The following CYP2R1 variants were observed in gnomAD, a reference collection of about 807,000 sequenced individuals.
CYP2R1 encodes the protein vitamin D 25-hydroxylase.
CYP2R1 carries 40 observed loss-of-function variants against 45.7 expected under a neutral mutation model. The ratio of observed to expected loss-of-function variants is 0.87; its 90% CI spans 0.68 to 1.14. The LOEUF (loss-of-function observed/expected upper bound fraction) is 1.14, where lower values mean the gene tolerates loss of function less well. Ranked by LOEUF, CYP2R1 falls within the 50% of genes most tolerant of loss-of-function variation. The pLI is 0.00. For synonymous variants in CYP2R1, 234 were observed against 219.3 expected, an observed-to-expected ratio of 1.07 and a Z score of -0.59; for missense variants, 605 against 602.6, an observed-to-expected ratio of 1.00 and a Z score of -0.04.
rs555414044 is a variant in CYP2R1, at chr11:14,891,472, T to C, written c.225+509A>G. The C allele has an allele frequency of 2.9e-5, 29 of 986,646 alleles. No individual in the cohort carries two copies. The African/African-American group carries it at 4.7e-4, about 16-fold the overall frequency. The allele number at this position is 986,646 out of a possible 1,614,324, so 61.1% of individuals were successfully genotyped here. A position where few individuals can be genotyped will look rare whatever the true frequency, so the allele number is the denominator to read the frequency against. On this transcript the variant is annotated intron_variant, in intron 1 of 4. Coordinates refer to ENST00000334636, the MANE Select transcript of CYP2R1 (RefSeq NM_024514.5). ...CAGTCAGGGGCGTTCCCCTGCATTC[T>C]CCATTCTCACAGCAAACGCCTACAC...
At chr11:14,881,590 A>G (rs1289992970) in intron 2 of CYP2R1, among the ~76,000 whole-genome samples, 6 of 152,118 alleles carry the variant, frequency 3.9e-5, no homozygotes, top group Non-Finnish European at 8.8e-5. Flanking sequence ...TGATTGGATC[A>G]TAGGGGAAGA....
intron 1 of CYP2R1, chr11:14,891,143 G>C: frequency 1.0e-6 from 1 of 985,398 alleles, no homozygotes; most frequent in South Asian, 4.7e-5. Context: ...CCGGACGTCG[G>C]GACACCCACA....
intron 2 of CYP2R1, among the ~76,000 whole-genome samples, 162 bp downstream of exon 2, chr11:14,885,614 G>A (rs1386611294): frequency 2.6e-5 from 4 of 152,120 alleles, no homozygotes; most frequent in Non-Finnish European, 4.4e-5. Flanking sequence ...TAAAATATGC[G>A]TGTAGTACAG....
rs782573894 is a variant in CYP2R1, at chr11:14,892,164, G to C, written c.42C>G (p.Leu14=). ...AGAGCAGCAGGAAGAGCGCGCCGCC[G>C]AGCGCCGCCGCGCCCTCTTCAGCTC... ...LWRAEEGAAA[L]GGALFLLLFA... Residue 14 remains leucine, a synonymous_variant, in exon 1 of 5, where the codon CTC becomes CTG. Coordinates refer to ENST00000334636, the MANE Select transcript of CYP2R1 (RefSeq NM_024514.5). 3.1e-6 allele frequency: 5 copies of C among 1,610,768 alleles called. No individual in the cohort carries two copies. The highest frequency in any genetic ancestry group is 4.2e-6 in the Non-Finnish European group (5 of 1,179,752).
intron 2 of CYP2R1, 73 bp downstream of exon 2, chr11:14,885,703 C>A: frequency 6.9e-7 from 1 of 1,455,028 alleles, no homozygotes; most frequent in Non-Finnish European, 9.6e-7. Context: ...CAACTGTATG[C>A]ACTAAAACTT....
In CYP2R1 at chr11:14,880,737, C is replaced by T. The variant is rs1555011980; in HGVS notation, c.399G>A (p.Trp133Ter). 1 of 1,606,748 alleles carries T rather than the reference C, an allele frequency of 6.2e-7. No homozygotes were observed. The highest frequency in any genetic ancestry group is 8.5e-7 in the Non-Finnish European group (1 of 1,177,800). ...GLLNSRYGRG[W>*]VDHRRLAVNS... ...TTACAGCTAATCGTCTGTGATCAAC[C>T]CATCCTCGGCCATATCTGGAATTGA... The change falls in exon 3 of 5, where the codon TGG becomes TGA. Residue 133 changes from tryptophan (W) to a stop codon, truncating the protein, a stop_gained. Transcript: ENST00000334636. LOFTEE classifies it high-confidence loss of function.
rs781971106 is a variant in CYP2R1, at chr11:14,880,135, C to G, written c.1000+1G>C. 3 of 1,612,318 alleles carry G rather than the reference C, an allele frequency of 1.9e-6. No homozygotes were observed. Among genetic ancestry groups the G allele is most frequent in the Non-Finnish European group, 2.5e-6 (3 of 1,178,916 alleles). On this transcript the variant is annotated splice_donor_variant, in intron 3 of 4. Coordinates refer to ENST00000334636, the MANE Select transcript of CYP2R1 (RefSeq NM_024514.5). LOFTEE classifies it high-confidence loss of function. The stretch of plus-strand genomic sequence containing the variant: ...CCTGAGATCATCAAGAGAATCCTCA[C>G]CTTGAATATTAGGATAAAGGGCCAT...
chr11:14,892,074 C>T lies in CYP2R1; in HGVS notation c.132G>A (p.Pro44=). 2 of 1,611,960 alleles carry T rather than the reference C, an allele frequency of 1.2e-6. No individual in the cohort carries two copies. Among genetic ancestry groups the T allele is most frequent in the East Asian group, 4.5e-5 (2 of 44,852 alleles). ...AGATGTTGCCGATAAATGGCAGCCC[C>T]GGCGGCCCCGGGGGGAAGCCCATCG... ...RRPMGFPPGP[P]GLPFIGNIYS... is the part of the protein sequence containing the mutation. Residue 44 remains proline (P), a synonymous_variant, in exon 1 of 5, where the codon CCG becomes CCA. Coordinates refer to ENST00000334636, the MANE Select transcript of CYP2R1 (RefSeq NM_024514.5).
intron 2 of CYP2R1, among the ~76,000 whole-genome samples, chr11:14,883,939 A>C (rs1295464471): frequency 1.3e-5 from 2 of 152,076 alleles, no homozygotes; most frequent in African/African-American, 4.8e-5. Flanking sequence ...AATGCTCACC[A>C]TCACTGGCCA....
chr11:14,884,538 G>C (rs1286271351), intron 2 of CYP2R1, among the ~76,000 whole-genome samples: 9 of 118,898 alleles, frequency 7.6e-5, no homozygotes, highest in Non-Finnish European at 1.2e-4. Flanking sequence ...GTTGTGGGGT[G>C]GGGGGAGGGG....
chr11:14,877,850 C>T lies in CYP2R1; in HGVS notation c.*272G>A, dbSNP rs781891971. ...ACTAAACAAGATGCTCAGCTTAGGG[C>T]GTCCATGACCCTTCTTAGCATTTTA... On this transcript the variant is annotated 3_prime_UTR_variant, in exon 5 of 5. Transcript: ENST00000334636. 1.7e-4 allele frequency: 67 copies of T among 395,406 alleles called. No homozygotes were observed. Among genetic ancestry groups the T allele is most frequent in the Non-Finnish European group, 2.6e-4 (57 of 220,744 alleles). The allele number at this position is 395,406 out of a possible 1,614,324, so 24.5% of individuals were successfully genotyped here. A position where few individuals can be genotyped will look rare whatever the true frequency, so the allele number is the denominator to read the frequency against.
intron 2 of CYP2R1, among the ~76,000 whole-genome samples, chr11:14,883,788 G>C (rs539608154): frequency 3.2e-4 from 49 of 152,210 alleles, no homozygotes; most frequent in Middle Eastern, 3.4e-3. Context: ...CTACTCATCT[G>C]ACAAAGGGCT....
intron 2 of CYP2R1, among the ~76,000 whole-genome samples, chr11:14,883,226 G>A (rs1441855177): frequency 4.6e-5 from 7 of 151,396 alleles, no homozygotes; most frequent in African/African-American, 1.7e-4. Flanking sequence ...GCATCGCCAA[G>A]TCAATCCTAA....
At position 14,879,440 on chromosome 11, in the gene CYP2R1, T is replaced by C. The variant is rs139987598; in HGVS notation, c.1004A>G (p.Gln335Arg). The change falls in exon 4 of 5, where the codon CAA becomes CGA. Residue 335 changes from glutamine (Q) to arginine (R), a missense_variant. Gln to Arg is a conservative substitution (Grantham distance 43). Transcript: ENST00000334636. ...AATTAAATCAATCTCTTTCTGAACT[T>C]GTCCTGTCAGAGAAAAAGTATTCAA... ...FMALYPNIQG[Q>R]VQKEIDLIMG... The C allele has an allele frequency of 9.6e-5, 153 of 1,599,326 alleles. 2 individuals carry two copies. Among genetic ancestry groups the C allele is most frequent in the Admixed American group, 5.0e-5 (3 of 59,766 alleles).
At chr11:14,891,671 T>G in intron 1 of CYP2R1, 2 of 1,176,010 alleles carry the variant, frequency 1.7e-6, no homozygotes, top group South Asian at 4.5e-5. Context: ...GCGGCGCGGC[T>G]GGCGAGCCAA....
intron 2 of CYP2R1, among the ~76,000 whole-genome samples, chr11:14,884,631 T>C (rs994109345): frequency 6.6e-6 from 1 of 151,884 alleles, no homozygotes; most frequent in African/African-American, 2.4e-5. Context: ...TGTATACATA[T>C]GTAACTAACC....
chr11:14,884,925 T>C (rs1046161880), intron 2 of CYP2R1, among the ~76,000 whole-genome samples: 16 of 152,238 alleles, frequency 1.1e-4, no homozygotes, highest in Middle Eastern at 3.4e-3. Context: ...TTGTTTTTTA[T>C]TTATATTACT....
At chr11:14,886,777 T>G (rs188886941) in intron 1 of CYP2R1, 1 of 152,406 alleles carries the variant, frequency 6.6e-6, no homozygotes, top group East Asian at 1.9e-4. Flanking sequence ...GCCTTATCCC[T>G]GTGCAAACAA....
Position 14,892,201 on chromosome 11 carries a change from C to T in CYP2R1, c.5G>A (p.Trp2Ter). The change falls in exon 1 of 5, where the codon TGG becomes TAG. Residue 2 changes from tryptophan to a stop codon, truncating the protein, a stop_gained. Coordinates refer to ENST00000334636, the MANE Select transcript of CYP2R1 (RefSeq NM_024514.5). LOFTEE classifies it high-confidence loss of function. M[W>*]KLWRAEEGAA... Reference sequence around the variant, plus strand: ...GCCCTCTTCAGCTCTCCAAAGCTTCCACATCGGCCCGAGCTGGAGGTGCGA... The same window carrying T: ...GCCCTCTTCAGCTCTCCAAAGCTTCTACATCGGCCCGAGCTGGAGGTGCGA... 3 of 1,609,778 alleles carry T rather than the reference C, an allele frequency of 1.9e-6. No homozygotes were observed. Among genetic ancestry groups the T allele is most frequent in the South Asian group, 1.1e-5 (1 of 90,908 alleles).
Sources: gnomAD v4.1 joint callset for allele counts (sites outside exome capture counted in the v4.1 genomes callset) on GRCh38, gnomAD v4.1.1 for gene constraint, MANE v1.5 for transcripts, NCBI Gene and HGNC (gene_info 2026-07-23, HGNC 2026-07-21) for gene names.